The following CHODL variants were observed in gnomAD, a reference collection of about 807,000 sequenced individuals.
The protein encoded by CHODL is transmembrane protein MT75.
In CHODL, 29 loss-of-function variants were observed where a neutral mutation model predicts 34.5. The observed-to-expected ratio is 0.84, with a 90% CI of 0.63 to 1.15. CHODL has a LOEUF of 1.15. CHODL is among the 50% of genes most tolerant of loss of function. CHODL has a pLI of 0.00. For missense variants in CHODL, 332 were observed against 332.5 expected (o/e 1.00, Z 0.01); for synonymous variants, 125 against 116.1 (o/e 1.08, Z -0.49).
chr21:18,245,535 G>A (rs1047899502), intron 1 of CHODL, among the ~76,000 whole-genome samples: 2 of 152,190 alleles, frequency 1.3e-5, no homozygotes, highest in African/African-American at 4.8e-5. Context: ...GCTGCGGAGC[G>A]AGCCTCTGCT....
intron 2 of CHODL, among the ~76,000 whole-genome samples, chr21:18,135,893 G>A (rs376863167): frequency 5.3e-5 from 8 of 151,962 alleles, no homozygotes; most frequent in Non-Finnish European, 7.4e-5. Flanking sequence ...TGGATCATGA[G>A]GTCAGGAGAT....
chr21:18,184,087 A>T (rs1271127180), intron 2 of CHODL, among the ~76,000 whole-genome samples: 1 of 152,180 alleles, frequency 6.6e-6, no homozygotes, highest in African/African-American at 2.4e-5. Context: ...TACTCTTTCT[A>T]ATAATAGACT....
At chr21:18,116,758 T>A (rs1438209652) in intron 2 of CHODL, among the ~76,000 whole-genome samples, 1 of 152,072 alleles carries the variant, frequency 6.6e-6, no homozygotes, top group Non-Finnish European at 1.5e-5. Flanking sequence ...TGTGGGTGAA[T>A]CAGAAGACGT....
intron 2 of CHODL, among the ~76,000 whole-genome samples, chr21:18,188,709 T>C (rs1024766132): frequency 6.6e-6 from 1 of 152,220 alleles, no homozygotes; most frequent in Non-Finnish European, 1.5e-5. Flanking sequence ...CATTGTGTTA[T>C]GGACACCCAA....
chr21:18,136,750 A>G (rs993210212), intron 2 of CHODL, among the ~76,000 whole-genome samples: 4 of 142,294 alleles, frequency 2.8e-5, no homozygotes, highest in East Asian at 2.1e-4. Context: ...ATATATATAT[A>G]TATGTATACA....
intron 2 of CHODL, among the ~76,000 whole-genome samples, chr21:18,137,226 A>G (rs2072744668): frequency 6.6e-6 from 1 of 152,020 alleles, no homozygotes; most frequent in African/African-American, 2.4e-5. Flanking sequence ...TCTCCTCCTG[A>G]TTTCTGATTT....
At chr21:18,040,183 T>C (rs2064358110) in intron 2 of CHODL, among the ~76,000 whole-genome samples, 1 of 151,890 alleles carries the variant, frequency 6.6e-6, no homozygotes, top group South Asian at 2.1e-4. Flanking sequence ...CAAAGTAGCA[T>C]GGTCATGCAA....
At chr21:18,103,090 G>T (rs2065234378) in intron 2 of CHODL, among the ~76,000 whole-genome samples, 1 of 152,122 alleles carries the variant, frequency 6.6e-6, no homozygotes, top group African/African-American at 2.4e-5. Context: ...TTTTAGAGCA[G>T]GGAACCTAAA....
chr21:18,090,389 G>T lies in CHODL; in HGVS notation c.-45+62418G>T, dbSNP rs1052127725. On this transcript the variant is annotated intron_variant, in intron 2 of 6. Coordinates refer to the CHODL transcript ENST00000400127. ...GCTGGTCAAGAAGCCCTGCCAGGGT[G>T]CTAAAAACATTAGGCATTTGAGAAA... is the stretch of plus-strand genomic sequence containing the variant. Among the ~76,000 whole-genome samples the T allele has an allele frequency of 2.6e-5, 4 of 152,130 alleles. No homozygotes were observed. The South Asian group carries it at 8.3e-4, about 32-fold the overall frequency.
intron 1 of CHODL, among the ~76,000 whole-genome samples, chr21:17,917,876 C>CGTGTGTGT (rs138828872): frequency 0.064 from 9,582 of 150,724 alleles, 421 homozygotes; most frequent in Non-Finnish European, 0.092. Flanking sequence ...CTCTGATATG[C>CGTGTGTGT]GTGTGTGTGT....
intron 2 of CHODL, among the ~76,000 whole-genome samples, chr21:18,028,285 TCC>T (rs1491273251): frequency 8.1e-6 from 1 of 123,512 alleles, no homozygotes. Flanking sequence ...TCCCCTTCCT[TCC>T]TTCCTTCCTT....
At chr21:18,221,508 CTTCT>C (rs1373391460) in intron 2 of CHODL, among the ~76,000 whole-genome samples, 1 of 152,116 alleles carries the variant, frequency 6.6e-6, no homozygotes, top group African/African-American at 2.4e-5. Flanking sequence ...GTAATTGTCA[CTTCT>C]TTTAGTTTTA....
chr21:18,216,322 G>A (rs1390647503), intron 2 of CHODL, among the ~76,000 whole-genome samples: 1 of 152,052 alleles, frequency 6.6e-6, no homozygotes, highest in African/African-American at 2.4e-5. Context: ...TAAAATAGAC[G>A]ATAAATTTTT....
intron 1 of CHODL, among the ~76,000 whole-genome samples, chr21:18,007,126 T>TA (rs769614539): frequency 1.1e-3 from 164 of 152,098 alleles, no homozygotes; most frequent in African/African-American, 3.7e-3. Flanking sequence ...AATTGAATTT[T>TA]AAAAAAAACT....
intron 1 of CHODL, among the ~76,000 whole-genome samples, chr21:18,248,068 T>G (rs2074165514): frequency 6.6e-6 from 1 of 151,860 alleles, no homozygotes; most frequent in Admixed American, 6.6e-5. Context: ...AACCTATTTT[T>G]GCTGCAAAAT....
intron 1 of CHODL, among the ~76,000 whole-genome samples, chr21:17,997,278 T>A (rs556604452): frequency 1.1e-4 from 17 of 152,314 alleles, no homozygotes; most frequent in African/African-American, 2.9e-4. Context: ...AAAACCTGTA[T>A]GGAGGGAGAC....
intron 2 of CHODL, among the ~76,000 whole-genome samples, chr21:18,187,107 G>A (rs1322673459): frequency 6.6e-6 from 1 of 152,138 alleles, no homozygotes; most frequent in African/African-American, 2.4e-5. Flanking sequence ...AGTTTGGGCA[G>A]AATAGAGTGG....
intron 2 of CHODL, among the ~76,000 whole-genome samples, chr21:18,209,653 A>G (rs2073752283): frequency 2.0e-5 from 3 of 152,168 alleles, no homozygotes; most frequent in Admixed American, 1.3e-4. Flanking sequence ...AAGCCAGCAC[A>G]GCTCTGAGTC....
At chr21:18,053,476 C>G (rs2146472371) in intron 2 of CHODL, among the ~76,000 whole-genome samples, 1 of 151,856 alleles carries the variant, frequency 6.6e-6, no homozygotes, top group East Asian at 1.9e-4. Context: ...ATTAATTTGT[C>G]ATGGCTGAAA....
Sources: allele counts gnomAD v4.1 joint callset (sites outside exome capture counted in the v4.1 genomes callset), GRCh38; gene constraint gnomAD v4.1.1; transcripts MANE v1.5; gene names NCBI Gene and HGNC (gene_info 2026-07-23, HGNC 2026-07-21).